Variants in NID1 observed in about 807,000 individuals in gnomAD.
The protein encoded by NID1 is nidogen 1.
Under a neutral mutation model 130.6 loss-of-function variants are expected in NID1, and 76 were observed. The observed-to-expected ratio is 0.58, with a 90% CI of 0.48 to 0.70. The LOEUF is 0.70. NID1 is among the 30% of genes least tolerant of loss of function. NID1 has a pLI of 0.00. For missense variants in NID1, 1,517 were observed against 1,664.8 expected (o/e 0.91, Z 1.54); for synonymous variants, 665 against 675.1 (o/e 0.98, Z 0.23).
Position 235,980,498 on chromosome 1 carries a change from G to A in NID1, c.3383C>T (p.Ala1128Val). The change falls in exon 17 of 20, where the codon GCA (alanine) becomes GTA (valine). Residue 1128 changes from alanine (A) to valine (V), a missense_variant and splice_region_variant. Transcript: ENST00000264187. ...AFSSQLCWVDAGTNRAECLNP... is the reference protein window; with the variant it reads ...AFSSQLCWVDVGTNRAECLNP... ...GACAGTGTCCAGCTTTCCATCACCTGCATCCACCCAGCAGAGCTGAGATGA... is the reference window on the plus strand; with the variant it reads ...GACAGTGTCCAGCTTTCCATCACCTACATCCACCCAGCAGAGCTGAGATGA... 3 of 1,614,052 alleles carry A rather than the reference G, an allele frequency of 1.9e-6. No homozygotes were observed. The highest frequency in any genetic ancestry group is 2.5e-6 in the Non-Finnish European group (3 of 1,179,966).
intron 1 of NID1, among the ~76,000 whole-genome samples, chr1:236,058,159 A>G (rs1377076755): frequency 6.6e-6 from 1 of 152,230 alleles, no homozygotes; most frequent in African/African-American, 2.4e-5. Flanking sequence ...AATTTGCATT[A>G]AGGAGTAAAA....
At chr1:236,029,801 C>T in intron 6 of NID1, 51 bp from the exon 7 acceptor site, 1 of 1,576,926 alleles carries the variant, frequency 6.3e-7, no homozygotes, top group Non-Finnish European at 8.7e-7. Flanking sequence ...GCGCGCCCTT[C>T]TGCCCGCCCC....
rs1659127451 is a variant in NID1 at position 236,032,485 on chromosome 1, G to A, written c.1453C>T (p.Leu485Phe). 1 of 1,614,092 alleles carries A rather than the reference G, an allele frequency of 6.2e-7. No individual in the cohort carries two copies. Among genetic ancestry groups the A allele is most frequent in the African/African-American group, 1.3e-5 (1 of 74,940 alleles). ...ATGCCTCCAACTGGGGCCAGTGGAA[G>A]CAGAGAATATCCAACGGTCTCGGGA... ...TIPETVGYSLLPLAPVGGIIG... is the reference protein window; with the variant it reads ...TIPETVGYSLFPLAPVGGIIG... Residue 485 changes from leucine to phenylalanine, a missense_variant, in exon 6 of 20, where the codon CTT becomes TTT. Leu to Phe is a conservative substitution (Grantham distance 22). Transcript: ENST00000264187.
In NID1 at chr1:236,046,033, T is replaced by A. The variant is rs6672345; in HGVS notation, c.526-350A>T. Among the ~76,000 whole-genome samples, 32,080 of 152,208 alleles carry A rather than the reference T, an allele frequency of 0.21. 4,074 individuals carry two copies. The highest frequency in any genetic ancestry group is 0.34 in the Admixed American group (5,156 of 15,286). On this transcript the variant is annotated intron_variant, in intron 2 of 19. Coordinates refer to ENST00000264187, the MANE Select transcript of NID1 (RefSeq NM_002508.3). The stretch of plus-strand genomic sequence containing the variant: ...TACCCAAAGACTTTGTTTCCATGGC[T>A]GTTAACATATTCAACCGCATTCATC...
At chr1:236,036,584 C>T (rs1294871427) in intron 5 of NID1, among the ~76,000 whole-genome samples, 3 of 152,190 alleles carry the variant, frequency 2.0e-5, no homozygotes, top group Admixed American at 1.3e-4. Context: ...CTTGAATGTC[C>T]CCTCCAAAAC....
intron 1 of NID1, among the ~76,000 whole-genome samples, chr1:236,051,731 C>T (rs1428870911): frequency 2.6e-5 from 4 of 152,310 alleles, no homozygotes; most frequent in Admixed American, 6.5e-5. Flanking sequence ...CTCACTCTCT[C>T]GAGCCGCCAG....
At chr1:236,043,237 G>T (rs747273564) in intron 3 of NID1, among the ~76,000 whole-genome samples, 16 of 152,182 alleles carry the variant, frequency 1.1e-4, no homozygotes. Context: ...AATCTGAGGA[G>T]CATGCCATGG....
intron 4 of NID1, among the ~76,000 whole-genome samples, chr1:236,040,229 G>C (rs1454152820): frequency 1.3e-5 from 2 of 152,180 alleles, no homozygotes; most frequent in Non-Finnish European, 2.9e-5. Flanking sequence ...CCACGGCAGA[G>C]TGGCATGTGC....
chr1:236,004,174 A>G (rs1658174419), intron 12 of NID1, among the ~76,000 whole-genome samples: 1 of 152,108 alleles, frequency 6.6e-6, no homozygotes, highest in Admixed American at 6.6e-5. Context: ...TAGAGAGAGA[A>G]TGAGAGACTC....
chr1:235,979,803 A>G lies in NID1; in HGVS notation c.3509+19T>C. On this transcript the variant is annotated intron_variant, in intron 18 of 19. Transcript: ENST00000264187. The surrounding 1 kb of genome is among the most constrained non-coding windows in gnomAD (Gnocchi z 4.6). ...GGAGGGGCAGGCCCACGCAGCCCCCATGGCTACAGCTGACGTACATCTTCC... is the reference window on the plus strand; with the variant it reads ...GGAGGGGCAGGCCCACGCAGCCCCCGTGGCTACAGCTGACGTACATCTTCC... The G allele has an allele frequency of 6.2e-7, 1 of 1,612,452 alleles. No individual in the cohort carries two copies. Among genetic ancestry groups the G allele is most frequent in the Non-Finnish European group, 8.5e-7 (1 of 1,178,976 alleles).
intron 12 of NID1, among the ~76,000 whole-genome samples, chr1:236,010,671 G>A (rs924639558): frequency 6.6e-6 from 1 of 152,158 alleles, no homozygotes; most frequent in African/African-American, 2.4e-5. Context: ...TTTGTAACAC[G>A]AAAGCAGCCA....
Position 236,045,530 on chromosome 1 carries a change from C to T in NID1, c.679G>A (p.Gly227Arg). 1 of 1,614,086 alleles carries T rather than the reference C, an allele frequency of 6.2e-7. No homozygotes were observed. The highest frequency in any genetic ancestry group is 2.2e-5 in the East Asian group (1 of 44,874). The change falls in exon 3 of 20, where the codon GGA (glycine) becomes AGA (arginine). Residue 227 changes from glycine to arginine, a missense_variant. This residue lies in a region of NID1 where 1,329 missense variants were observed against 1,429.2 expected (regional missense o/e 0.93). Transcript: ENST00000264187. ...AVVAFSQGSV[G>R]FLWKSNGAYN... ...GCTCCGTTGCTCTTCCATAAGAATC[C>T]CACTGAACCTTGACTGAATGCAACC...
chr1:236,057,566 C>T (rs1359672593), intron 1 of NID1, among the ~76,000 whole-genome samples: 1 of 151,644 alleles, frequency 6.6e-6, no homozygotes, highest in African/African-American at 2.4e-5. Flanking sequence ...TCTGTCTCTA[C>T]TAAAATTACA....
intron 9 of NID1, among the ~76,000 whole-genome samples, chr1:236,018,262 T>C (rs1171493308): frequency 6.6e-6 from 1 of 152,224 alleles, no homozygotes; most frequent in Admixed American, 6.5e-5. Context: ...GGGCAAGTTA[T>C]CCAACTACTC....
intron 12 of NID1, among the ~76,000 whole-genome samples, chr1:235,998,717 C>T (rs1209196967): frequency 2.0e-5 from 3 of 152,058 alleles, no homozygotes; most frequent in East Asian, 1.9e-4. Context: ...GAATGTAAAA[C>T]GTGTTTACTT....
chr1:236,030,384 A>G (rs1391611125), intron 6 of NID1, among the ~76,000 whole-genome samples: 1 of 152,206 alleles, frequency 6.6e-6, no homozygotes. Context: ...TTGACAAACT[A>G]TGGCCTCAGG....
At chr1:236,031,927 C>G (rs1327795081) in intron 6 of NID1, among the ~76,000 whole-genome samples, 4 of 152,192 alleles carry the variant, frequency 2.6e-5, no homozygotes, top group African/African-American at 7.2e-5. Flanking sequence ...GCTTAAGTAA[C>G]TAGCTAGAAA....
At chr1:236,001,106 A>ATT (rs11352607) in intron 12 of NID1, among the ~76,000 whole-genome samples, 42 of 135,144 alleles carry the variant, frequency 3.1e-4, no homozygotes, top group African/African-American at 5.0e-4. Context: ...TGGCTTTGAG[A>ATT]TTTTTTTTTT....
chr1:236,021,305 T>A (rs1034352728), intron 9 of NID1, among the ~76,000 whole-genome samples: 6 of 152,156 alleles, frequency 3.9e-5, no homozygotes, highest in African/African-American at 1.4e-4. Context: ...AGGCACTATG[T>A]CCCCTCCCTA....
Sources: allele counts gnomAD v4.1 joint callset (sites outside exome capture counted in the v4.1 genomes callset), GRCh38; gene constraint gnomAD v4.1.1; regional missense constraint gnomAD v4.1.1; non-coding constraint Gnocchi (gnomAD v3.1); transcripts MANE v1.5; gene names NCBI Gene and HGNC (gene_info 2026-07-23, HGNC 2026-07-21).